The following NHEJ1 variants were observed in gnomAD, a reference collection of about 807,000 sequenced individuals.
NHEJ1 encodes non-homologous end joining factor 1.
NHEJ1 carries 22 observed loss-of-function variants against 39.4 expected under a neutral mutation model. That is an observed-to-expected ratio of 0.56 (90% confidence interval 0.40 to 0.80). The LOEUF is 0.80. NHEJ1 is among the 30% of genes least tolerant of loss of function. The probability of loss-of-function intolerance (pLI) is 0.00; values close to 1 mark genes in which losing one functional copy is unlikely to be tolerated. For missense variants in NHEJ1, 329 were observed against 357.1 expected, an observed-to-expected ratio of 0.92 and a Z score of 0.63; for synonymous variants, 154 against 135.6, an observed-to-expected ratio of 1.14 and a Z score of -0.94.
intron 5 of NHEJ1, among the ~76,000 whole-genome samples, chr2:219,128,040 T>G (rs1949541250): frequency 6.6e-6 from 1 of 152,206 alleles, no homozygotes; most frequent in African/African-American, 2.4e-5. Context: ...CTGAACAGGT[T>G]TAGAGCAAGA....
intron 7 of NHEJ1, 66 bp from the exon 8 acceptor site, chr2:219,076,521 C>CT (rs1315069823): frequency 3.0e-6 from 3 of 1,016,914 alleles, no homozygotes; most frequent in Non-Finnish European, 4.5e-6. Flanking sequence ...AGGAAAGGAA[C>CT]TTTCTTCCTC....
rs1279087348 is a variant in NHEJ1, at chr2:219,070,540, T to C, written c.*5841A>G. Among the ~76,000 whole-genome samples the C allele has an allele frequency of 6.6e-6, 1 of 152,208 alleles. No homozygotes were observed. The highest frequency in any genetic ancestry group is 1.5e-5 in the Non-Finnish European group (1 of 68,034). On this transcript the variant is annotated 3_prime_UTR_variant, in exon 8 of 8. Coordinates refer to ENST00000356853, the MANE Select transcript of NHEJ1 (RefSeq NM_024782.3). ...TTTGCAAAGACAGGGTTTCGCCATG[T>C]TGCCTAGGCTGGTCTCAAACTCCTA...
At chr2:219,081,932 A>C (rs1330159559) in intron 5 of NHEJ1, among the ~76,000 whole-genome samples, 1 of 152,246 alleles carries the variant, frequency 6.6e-6, no homozygotes, top group African/African-American at 2.4e-5. Context: ...GGCTAAGTTC[A>C]CATTCACTAG....
At chr2:219,105,051 G>A (rs1004641661) in intron 5 of NHEJ1, among the ~76,000 whole-genome samples, 2 of 152,190 alleles carry the variant, frequency 1.3e-5, no homozygotes, top group Non-Finnish European at 2.9e-5. Flanking sequence ...TTATAGTTGA[G>A]TGCTGTCACT....
intron 5 of NHEJ1, among the ~76,000 whole-genome samples, chr2:219,085,705 A>G (rs1003131133): frequency 1.3e-5 from 2 of 152,172 alleles, no homozygotes; most frequent in African/African-American, 4.8e-5. Flanking sequence ...TAATTAAATC[A>G]TAGTCAACTC....
At position 219,128,443 on chromosome 2, in the gene NHEJ1, C is replaced by T. The variant is rs374898817; in HGVS notation, c.588+18237G>A. Among the ~76,000 whole-genome samples the T allele has an allele frequency of 3.9e-5, 6 of 152,188 alleles. No individual in the cohort carries two copies. The East Asian group carries it at 7.7e-4, about 20-fold the overall frequency. The stretch of plus-strand genomic sequence containing the variant: ...GAGGATAGGTCTGGTGGTAGGGGGG[C>T]TAGCTCTCTTCTTTTTTTCCCCCTT... On this transcript the variant is annotated intron_variant, in intron 5 of 7. Transcript: ENST00000356853.
At chr2:219,132,058 G>A (rs939736936) in intron 5 of NHEJ1, among the ~76,000 whole-genome samples, 1 of 152,232 alleles carries the variant, frequency 6.6e-6, no homozygotes, top group East Asian at 1.9e-4. Flanking sequence ...AAGTAAAAGA[G>A]AGTGGCTTGA....
chr2:219,121,204 C>T (rs1949468206), intron 5 of NHEJ1, among the ~76,000 whole-genome samples: 1 of 146,916 alleles, frequency 6.8e-6, no homozygotes. Context: ...AAAACTCTGT[C>T]TAAAAAAAAA....
intron 5 of NHEJ1, among the ~76,000 whole-genome samples, chr2:219,084,154 C>T (rs1949091411): frequency 6.6e-6 from 1 of 152,016 alleles, no homozygotes; most frequent in Non-Finnish European, 1.5e-5. Context: ...CCACAGGCAC[C>T]TGCCACCACG....
intron 5 of NHEJ1, among the ~76,000 whole-genome samples, chr2:219,142,995 G>A (rs563550631): frequency 2.0e-5 from 3 of 152,232 alleles, no homozygotes; most frequent in East Asian, 3.9e-4. Flanking sequence ...TTATTTTCCC[G>A]AGCCTTAGTA....
rs548052443 is a variant in NHEJ1 at position 219,123,286 on chromosome 2, G to A, written c.588+23394C>T. Among the ~76,000 whole-genome samples, 8 of 152,228 alleles carry A rather than the reference G, an allele frequency of 5.3e-5. No individual in the cohort carries two copies. In the South Asian group the frequency reaches 1.5e-3, roughly 28 times the overall value. On this transcript the variant is annotated intron_variant, in intron 5 of 7. Transcript: ENST00000356853. ...AACAGTAAGTAAAGTTCTATAGACT[G>A]GAGTTTCCAGCCCCATACCCTCCCA...
intron 5 of NHEJ1, among the ~76,000 whole-genome samples, chr2:219,130,738 CAA>C (rs1267311379): frequency 6.6e-6 from 1 of 152,116 alleles, no homozygotes; most frequent in Non-Finnish European, 1.5e-5. Context: ...CGGTACTGAA[CAA>C]AAGACACAGC....
At chr2:219,137,578 AAAAAAAAAAAAAAAC>A (rs1229247122) in intron 5 of NHEJ1, among the ~76,000 whole-genome samples, 1 of 140,790 alleles carries the variant, frequency 7.1e-6, no homozygotes, top group African/African-American at 2.5e-5. Flanking sequence ...GGCAAAAAAA[AAAAAAAAAAAAAAAC>A]AAAAAAAACT....
intron 5 of NHEJ1, among the ~76,000 whole-genome samples, chr2:219,108,200 T>C (rs891884849): frequency 2.0e-5 from 3 of 152,220 alleles, no homozygotes; most frequent in Non-Finnish European, 2.9e-5. Context: ...CCCTGTATTA[T>C]ATGCCTTGTG....
chr2:219,155,332 A>G (rs1949842915), intron 3 of NHEJ1, among the ~76,000 whole-genome samples: 1 of 152,100 alleles, frequency 6.6e-6, no homozygotes, highest in African/African-American at 2.4e-5. Context: ...TGGGAGGCCA[A>G]GGCAGGAGGA....
At chr2:219,140,919 T>C (rs1404864047) in intron 5 of NHEJ1, among the ~76,000 whole-genome samples, 2 of 152,204 alleles carry the variant, frequency 1.3e-5, no homozygotes, top group Non-Finnish European at 2.9e-5. Flanking sequence ...GAGTTTGAAC[T>C]TTATCCTGTA....
intron 3 of NHEJ1, among the ~76,000 whole-genome samples, chr2:219,149,032 C>G (rs1288994926): frequency 6.6e-6 from 1 of 152,022 alleles, no homozygotes. Flanking sequence ...TACAGGCATG[C>G]ACCACGATGC....
intron 5 of NHEJ1, among the ~76,000 whole-genome samples, chr2:219,120,201 G>T (rs1286412994): frequency 6.6e-6 from 1 of 152,164 alleles, no homozygotes; most frequent in African/African-American, 2.4e-5. Context: ...ATCTCACAAA[G>T]ATACTTTTTC....
rs1948970261 is a variant in NHEJ1 at position 219,072,400 on chromosome 2, G to A, written c.*3981C>T. 6.6e-6 allele frequency among the ~76,000 whole-genome samples: 1 copy of A among 152,266 alleles called. No individual in the cohort carries two copies. Among genetic ancestry groups the A allele is most frequent in the Middle Eastern group, 3.4e-3 (1 of 294 alleles). ...ATTAGTAACAGAGACGAGGAACCAA[G>A]GTTCTTGAGCTCTGAGTTTGGTGGC... On this transcript the variant is annotated 3_prime_UTR_variant, in exon 8 of 8. Transcript: ENST00000356853.
Sources: gnomAD v4.1 joint callset for allele counts (sites outside exome capture counted in the v4.1 genomes callset) on GRCh38, gnomAD v4.1.1 for gene constraint, MANE v1.5 for transcripts, NCBI Gene and HGNC (gene_info 2026-07-23, HGNC 2026-07-21) for gene names.